Variants in SAP30 observed in about 807,000 individuals in gnomAD.
SAP30 encodes histone deacetylase complex subunit SAP30.
In SAP30, 13 loss-of-function variants were observed where a neutral mutation model predicts 19.6. That is an observed-to-expected ratio of 0.66 (90% CI 0.43 to 1.05). The LOEUF is 1.05. SAP30 is among the 50% of genes least tolerant of loss of function. SAP30 has a pLI of 0.00. For missense variants in SAP30, 257 were observed against 292.1 expected (o/e 0.88, Z 0.88); for synonymous variants, 108 against 122.7 (o/e 0.88, Z 0.79).
At chr4:173,372,183 A>G (rs751027392) in intron 1 of SAP30, among the ~76,000 whole-genome samples, 50 of 152,158 alleles carry the variant, frequency 3.3e-4, no homozygotes, top group Non-Finnish European at 6.9e-4. Flanking sequence ...TTGACCATCT[A>G]TGAGGTTTTT....
chr4:173,374,094 G>T, intron 3 of SAP30, 57 bp downstream of exon 3: 1 of 905,704 alleles, frequency 1.1e-6, no homozygotes. Flanking sequence ...GTTATTAAGT[G>T]CTAATGGAAG....
intron 3 of SAP30, among the ~76,000 whole-genome samples, chr4:173,376,793 A>T (rs887417510): frequency 1.3e-5 from 2 of 150,882 alleles, no homozygotes; most frequent in African/African-American, 4.9e-5. Flanking sequence ...TAATTTTTGT[A>T]TTTTTTTTGG....
At chr4:173,373,779 C>A (rs967112403) in intron 2 of SAP30, among the ~76,000 whole-genome samples, 160 bp from the exon 3 acceptor site, 4 of 151,624 alleles carry the variant, frequency 2.6e-5, no homozygotes, top group Non-Finnish European at 5.9e-5. Flanking sequence ...AGATTAAATT[C>A]TTTAATAATT....
At chr4:173,372,291 G>T (rs1448366691) in intron 1 of SAP30, among the ~76,000 whole-genome samples, 2 of 152,178 alleles carry the variant, frequency 1.3e-5, no homozygotes, top group East Asian at 1.9e-4. Context: ...TTTATCTTGC[G>T]CTTGGCTTAG....
chr4:173,372,432 T>C (rs1738958231), intron 1 of SAP30, among the ~76,000 whole-genome samples: 1 of 152,250 alleles, frequency 6.6e-6, no homozygotes, highest in African/African-American at 2.4e-5. Context: ...TAAACAGTTT[T>C]CAGTGTTATC....
chr4:173,373,340 G>T, intron 1 of SAP30, 50 bp from the exon 2 acceptor site: 2 of 1,521,248 alleles, frequency 1.3e-6, no homozygotes, highest in South Asian at 2.6e-5. Context: ...CTAATACATA[G>T]ACACATTTTA....
Position 173,371,554 on chromosome 4 carries a change from C to G in SAP30, c.315+57C>G. The G allele has an allele frequency of 1.3e-6, 2 of 1,546,412 alleles. No individual in the cohort carries two copies. Among genetic ancestry groups the G allele is most frequent in the South Asian group, 1.1e-5 (1 of 89,186 alleles). ...CGCCCCTCGGTGGGGCCCCAGGAGC[C>G]GGGCAAAGGCACGGGTTGTCGGCGG... On this transcript the variant is annotated intron_variant, in intron 1 of 3. Coordinates refer to ENST00000296504, the MANE Select transcript of SAP30 (RefSeq NM_003864.4). The surrounding 1 kb of genome is among the most constrained non-coding windows in gnomAD (Gnocchi z 6.4).
chr4:173,375,850 A>T (rs1224151966), intron 3 of SAP30, among the ~76,000 whole-genome samples: 1 of 152,236 alleles, frequency 6.6e-6, no homozygotes, highest in Non-Finnish European at 1.5e-5. Flanking sequence ...AGCAAGCATT[A>T]CTGCCTGAGC....
At chr4:173,372,654 A>G (rs1479122729) in intron 1 of SAP30, among the ~76,000 whole-genome samples, 2 of 152,232 alleles carry the variant, frequency 1.3e-5, no homozygotes, top group Non-Finnish European at 2.9e-5. Context: ...CATACATTAT[A>G]TTACTAAAAT....
Position 173,377,333 on chromosome 4 carries a change from G to A in SAP30, c.*6G>A, listed in dbSNP as rs76906578. The A allele has an allele frequency of 3.0e-3, 4,715 of 1,596,952 alleles. 140 individuals are homozygous for A. In the African/African-American group the frequency reaches 0.056, roughly 19 times the overall value. On this transcript the variant is annotated 3_prime_UTR_variant, in exon 4 of 4. Transcript: ENST00000296504. ...TTGATAGTGGTGTTCACTAGGAGAC[G>A]TGGAATTGAGACTAATAACTTGGAT...
At chr4:173,377,150 T>A in intron 3 of SAP30, 55 bp from the exon 4 acceptor site, 1 of 1,376,010 alleles carries the variant, frequency 7.3e-7, no homozygotes, top group African/African-American at 1.5e-5. Context: ...TTACGTAGTT[T>A]ATGAAACCTG....
In SAP30 at chr4:173,371,396, G is replaced by A. The variant is rs200649811; in HGVS notation, c.214G>A (p.Asp72Asn). 400 of 1,585,024 alleles carry A rather than the reference G, an allele frequency of 2.5e-4. No individual in the cohort carries two copies. The highest frequency in any genetic ancestry group is 1.8e-3 in the Middle Eastern group (11 of 5,984). Residue 72 changes from aspartate to asparagine, a missense_variant, in exon 1 of 4, where the codon GAT becomes AAT. Physicochemically the swap from Asp to Asn is conservative, Grantham distance 23 (BLOSUM62 1). Coordinates refer to ENST00000296504, the MANE Select transcript of SAP30 (RefSeq NM_003864.4). This position sits in a 1 kb window ranked among gnomAD's most constrained non-coding sequence, Gnocchi z 6.4. Reference protein sequence around the residue: ...GPGQLCCLREDGERCGRAAGN... With the variant: ...GPGQLCCLRENGERCGRAAGN... ...CGGGCAACTGTGCTGCCTGCGGGAG[G>A]ATGGTGAGCGGTGCGGCCGGGCGGC...
chr4:173,377,433 T>C lies in SAP30; in HGVS notation c.*106T>C. On this transcript the variant is annotated 3_prime_UTR_variant, in exon 4 of 4. Coordinates refer to ENST00000296504, the MANE Select transcript of SAP30 (RefSeq NM_003864.4). ...TTTTTCTACAGAGGATTTTCTCTGA[T>C]TTTATTTTCTTTGTTTCTGACTCTA... 8.9e-7 allele frequency: 1 copy of C among 1,118,148 alleles called. No individual in the cohort carries two copies. Among genetic ancestry groups the C allele is most frequent in the East Asian group, 2.8e-5 (1 of 36,018 alleles). 69.3% of individuals were successfully genotyped at this position (1,118,148 alleles called of 1,614,324 possible). A position where few individuals can be genotyped will look rare whatever the true frequency, so the allele number is the denominator to read the frequency against.
intron 3 of SAP30, 88 bp downstream of exon 3, chr4:173,374,125 C>T: frequency 1.6e-6 from 1 of 614,980 alleles, no homozygotes; most frequent in Non-Finnish European, 2.8e-6. Flanking sequence ...GTGTATGTAA[C>T]AGTACATTTT....
Position 173,371,351 on chromosome 4 carries a change from G to A in SAP30, c.169G>A (p.Gly57Arg). 1 of 1,481,732 alleles carries A rather than the reference G, an allele frequency of 6.7e-7. No individual in the cohort carries two copies. The highest frequency in any genetic ancestry group is 8.9e-7 in the Non-Finnish European group (1 of 1,125,512). 91.8% of individuals were successfully genotyped at this position (1,481,732 alleles called of 1,614,324 possible). A position where few individuals can be genotyped will look rare whatever the true frequency, so the allele number is the denominator to read the frequency against. Residue 57 changes from glycine (G) to arginine (R), a missense_variant, in exon 1 of 4, where the codon GGG becomes AGG. Physicochemically the swap from Gly to Arg is moderately radical, Grantham distance 125. Coordinates refer to ENST00000296504, the MANE Select transcript of SAP30 (RefSeq NM_003864.4). This position sits in a 1 kb window ranked among gnomAD's most constrained non-coding sequence, Gnocchi z 6.4. Reference protein sequence around the residue: ...AGAVSAAGPPGAAGPGPGQLC... With the variant: ...AGAVSAAGPPRAAGPGPGQLC... ...GGCGGTCTCAGCGGCTGGGCCCCCGGGGGCGGCCGGGCCGGGCCCCGGGCA... is the reference window on the plus strand; with the variant it reads ...GGCGGTCTCAGCGGCTGGGCCCCCGAGGGCGGCCGGGCCGGGCCCCGGGCA...
At chr4:173,373,110 C>T (rs1712876437) in intron 1 of SAP30, among the ~76,000 whole-genome samples, 1 of 152,126 alleles carries the variant, frequency 6.6e-6, no homozygotes, top group Non-Finnish European at 1.5e-5. Flanking sequence ...TGACAAAACC[C>T]AGAGGGTTGG....
chr4:173,372,089 C>G (rs185135280), intron 1 of SAP30, among the ~76,000 whole-genome samples: 1 of 152,358 alleles, frequency 6.6e-6, no homozygotes, highest in East Asian at 1.9e-4. Flanking sequence ...CCGAGGGCAG[C>G]TACTCCGATG....
chr4:173,372,572 G>A (rs11721452), intron 1 of SAP30, among the ~76,000 whole-genome samples: 152,359 of 152,362 alleles, frequency 1, 76,178 homozygotes, highest in Non-Finnish European at 1. Context: ...TGAAGTCGAT[G>A]GCTCATTTGT....
Position 173,373,427 on chromosome 4 carries a change from TAATTC to T in SAP30, c.355_359del (p.Ile119GlufsTer12), listed in dbSNP as rs1334040997. The T allele has an allele frequency of 1.2e-6, 2 of 1,611,776 alleles. No homozygotes were observed. Among genetic ancestry groups the T allele is most frequent in the Non-Finnish European group, 1.7e-6 (2 of 1,179,184 alleles). On this transcript the variant is annotated frameshift_variant, in exon 2 of 4. Coordinates refer to ENST00000296504, the MANE Select transcript of SAP30 (RefSeq NM_003864.4). LOFTEE classifies it high-confidence loss of function. The stretch of plus-strand genomic sequence containing the variant: ...TACATATGTGATTATCATAAAAACT[TAATTC>T]AGAGTGTTCGAAACAGAAGAAAGAG...
Sources: gnomAD v4.1 joint callset for allele counts (sites outside exome capture counted in the v4.1 genomes callset) on GRCh38, gnomAD v4.1.1 for gene constraint, Gnocchi (gnomAD v3.1) non-coding constraint, MANE v1.5 for transcripts, NCBI Gene and HGNC (gene_info 2026-07-23, HGNC 2026-07-21) for gene names.